HS6ST1: variants seen among roughly 807,000 people sequenced by gnomAD.
HS6ST1 encodes heparan-sulfate 6-O-sulfotransferase 1.
In HS6ST1, 3 loss-of-function variants were observed where a neutral mutation model predicts 25.2. The ratio of observed to expected loss-of-function variants is 0.12; its 90% CI spans 0.05 to 0.31. The LOEUF (loss-of-function observed/expected upper bound fraction) is 0.31, where lower values mean the gene tolerates loss of function less well. Among genes scored for constraint, HS6ST1 ranks in the 10% least tolerant of loss-of-function variants. The probability of loss-of-function intolerance (pLI) is 1.00; values close to 1 mark genes in which losing one functional copy is unlikely to be tolerated. For synonymous variants in HS6ST1, 204 were observed against 275.1 expected (o/e 0.74, Z 2.56); for missense variants, 310 against 609.6 (o/e 0.51, Z 5.18).
At chr2:128,306,651 C>T (rs1386710041) in intron 1 of HS6ST1, among the ~76,000 whole-genome samples, 2 of 152,158 alleles carry the variant, frequency 1.3e-5, no homozygotes, top group Non-Finnish European at 2.9e-5. Context: ...CTGTCCCAAG[C>T]CAGTGGGGGC....
rs189916623 is a variant in HS6ST1, at chr2:128,299,432, C to T, written c.527+18605G>A. Among the ~76,000 whole-genome samples the T allele has an allele frequency of 5.4e-4, 82 of 152,364 alleles. 1 individual carries two copies. In the East Asian group the frequency reaches 0.011, roughly 20 times the overall value. Reference sequence around the variant, plus strand: ...CTGCTGAGGCTCTGCTGGCCCCAGTCTCAGTGTGACATGTGGGGAAACTGA... The same window carrying T: ...CTGCTGAGGCTCTGCTGGCCCCAGTTTCAGTGTGACATGTGGGGAAACTGA... On this transcript the variant is annotated intron_variant, in intron 1 of 1. Transcript: ENST00000259241.
chr2:128,290,266 C>G (rs933843894), intron 1 of HS6ST1: 1 of 151,894 alleles, frequency 6.6e-6, no homozygotes, highest in African/African-American at 2.4e-5. Context: ...CTATTTCTAC[C>G]AAATTTTAAA....
Position 128,305,319 on chromosome 2 carries a change from C to T in HS6ST1, c.527+12718G>A, listed in dbSNP as rs115970857. 6.6e-3 allele frequency among the ~76,000 whole-genome samples: 1,003 copies of T among 152,346 alleles called. 15 individuals carry two copies. The highest frequency in any genetic ancestry group is 0.022 in the African/African-American group (906 of 41,584). On this transcript the variant is annotated intron_variant, in intron 1 of 1. Coordinates refer to ENST00000259241, the MANE Select transcript of HS6ST1 (RefSeq NM_004807.3). ...CCCCTCCTTGCTGGGCCTGGCTTCCCGATGGGCCTGCTTGGACAGTTTTAA... is the reference window on the plus strand; with the variant it reads ...CCCCTCCTTGCTGGGCCTGGCTTCCTGATGGGCCTGCTTGGACAGTTTTAA...
At chr2:128,269,661 A>G (rs734193) in intron 1 of HS6ST1, among the ~76,000 whole-genome samples, 78,387 of 152,014 alleles carry the variant, frequency 0.52, 20,732 homozygotes, top group East Asian at 0.72. Flanking sequence ...CAGCCCCGGG[A>G]GAGGCTGCAG....
intron 1 of HS6ST1, among the ~76,000 whole-genome samples, chr2:128,279,908 G>A (rs1046965512): frequency 1.3e-5 from 2 of 152,202 alleles, no homozygotes; most frequent in Admixed American, 6.5e-5. Flanking sequence ...GACAGCACCT[G>A]CTTCCCCAGC....
chr2:128,314,412 C>T (rs1420753799), intron 1 of HS6ST1, among the ~76,000 whole-genome samples: 3 of 152,098 alleles, frequency 2.0e-5, no homozygotes, highest in South Asian at 4.1e-4. Flanking sequence ...CAAGGTGGCA[C>T]GGTGTCAGAT....
Position 128,309,373 on chromosome 2 carries a change from C to T in HS6ST1, c.527+8664G>A, listed in dbSNP as rs942445285. Among the ~76,000 whole-genome samples the T allele has an allele frequency of 2.4e-4, 36 of 152,242 alleles. 1 individual carries two copies. Among genetic ancestry groups the T allele is most frequent in the Admixed American group, 1.9e-3 (29 of 15,290 alleles). On this transcript the variant is annotated intron_variant, in intron 1 of 1. Transcript: ENST00000259241. ...GAGCTAGAATGCAAACTGGGCTGGC[C>T]CCAGAGATGTCCACCTGATACAGCT...
intron 1 of HS6ST1, among the ~76,000 whole-genome samples, chr2:128,303,771 T>C (rs570458488): frequency 6.6e-6 from 1 of 152,356 alleles, no homozygotes; most frequent in Admixed American, 6.5e-5. Context: ...CAAAGGCCAC[T>C]GTGGTGGCTA....
chr2:128,288,386 G>T (rs958657082), intron 1 of HS6ST1, among the ~76,000 whole-genome samples: 2 of 152,208 alleles, frequency 1.3e-5, no homozygotes, highest in African/African-American at 4.8e-5. Flanking sequence ...AGGGCCCTGA[G>T]GCCAGCCAGC....
intron 1 of HS6ST1, among the ~76,000 whole-genome samples, chr2:128,296,954 T>C (rs1228035996): frequency 6.6e-6 from 1 of 152,188 alleles, no homozygotes; most frequent in African/African-American, 2.4e-5. Flanking sequence ...CCCAGCACTT[T>C]GGGAGGCCAA....
intron 1 of HS6ST1, among the ~76,000 whole-genome samples, chr2:128,288,471 C>G (rs1255626527): frequency 6.6e-6 from 1 of 152,178 alleles, no homozygotes; most frequent in Non-Finnish European, 1.5e-5. Flanking sequence ...TGCATTAACA[C>G]AGAAGCTCAT....
At chr2:128,269,638 G>T (rs1232076820) in intron 1 of HS6ST1, among the ~76,000 whole-genome samples, 4 of 152,214 alleles carry the variant, frequency 2.6e-5, no homozygotes, top group Non-Finnish European at 5.9e-5. Context: ...TGCCCGGTGT[G>T]TGTGTGTGGG....
chr2:128,306,497 T>C lies in HS6ST1; in HGVS notation c.527+11540A>G, dbSNP rs115086041. Among the ~76,000 whole-genome samples, 1,003 of 152,252 alleles carry C rather than the reference T, an allele frequency of 6.6e-3. 15 individuals are homozygous for C. Among genetic ancestry groups the C allele is most frequent in the African/African-American group, 0.022 (904 of 41,544 alleles). On this transcript the variant is annotated intron_variant, in intron 1 of 1. Transcript: ENST00000259241. ...GTCACCAATGCTCTAGAGAGGTAAA[T>C]ATTTACACAGGAGCCTCTAAAGCTC...
rs538514848 is a variant in HS6ST1 at position 128,270,927 on chromosome 2, T to C, written c.528-2057A>G. ...GCTGTGCACAGTGCAGCAGGCCCCA[T>C]CTGGGAAACACAAATGGCTCAGTTC... is the stretch of plus-strand genomic sequence containing the variant. On this transcript the variant is annotated intron_variant, in intron 1 of 1. Coordinates refer to ENST00000259241, the MANE Select transcript of HS6ST1 (RefSeq NM_004807.3). Among the ~76,000 whole-genome samples, 4 of 152,284 alleles carry C rather than the reference T, an allele frequency of 2.6e-5. No homozygotes were observed. In the South Asian group the frequency reaches 8.3e-4, roughly 32 times the overall value.
intron 1 of HS6ST1, among the ~76,000 whole-genome samples, chr2:128,277,184 G>C (rs1693709176): frequency 6.6e-6 from 1 of 152,162 alleles, no homozygotes. Context: ...CTGCCAACCT[G>C]ATGCGGGGGG....
At chr2:128,315,313 C>CA (rs1263465461) in intron 1 of HS6ST1, among the ~76,000 whole-genome samples, 1 of 152,198 alleles carries the variant, frequency 6.6e-6, no homozygotes. Flanking sequence ...CAGCTCAGAG[C>CA]AGCCCAGGCT....
At chr2:128,315,663 G>C (rs777592408) in intron 1 of HS6ST1, among the ~76,000 whole-genome samples, 1 of 152,338 alleles carries the variant, frequency 6.6e-6, no homozygotes, top group Admixed American at 6.5e-5. Flanking sequence ...TCCCTGGGCA[G>C]ATGGGGGAAG....
chr2:128,297,109 T>C (rs1694050368), intron 1 of HS6ST1, among the ~76,000 whole-genome samples: 1 of 152,112 alleles, frequency 6.6e-6, no homozygotes, highest in Non-Finnish European at 1.5e-5. Flanking sequence ...CAAAACAAAG[T>C]TGGACTCCCA....
chr2:128,309,874 T>TAA (rs1244791418), intron 1 of HS6ST1, among the ~76,000 whole-genome samples: 1 of 152,200 alleles, frequency 6.6e-6, no homozygotes. Flanking sequence ...TGCAGAATGC[T>TAA]AAGGGGTTAT....
Sources: allele counts gnomAD v4.1 joint callset (sites outside exome capture counted in the v4.1 genomes callset), GRCh38; gene constraint gnomAD v4.1.1; transcripts MANE v1.5; gene names NCBI Gene and HGNC (gene_info 2026-07-23, HGNC 2026-07-21).